The following PDE11A variants were observed in gnomAD, a reference collection of about 807,000 sequenced individuals.
The protein encoded by PDE11A is phosphodiesterase 11A, also known as dual 3',5'-cyclic-AMP and -GMP phosphodiesterase 11A.
PDE11A carries 100 observed loss-of-function variants against 100.5 expected under a neutral mutation model. That is an observed-to-expected ratio of 1.00 (90% confidence interval 0.85 to 1.18). The LOEUF is 1.18. PDE11A is among the 50% of genes most tolerant of loss of function. PDE11A has a pLI of 0.00. For missense variants in PDE11A, 1,141 were observed against 1,152.6 expected (o/e 0.99, Z 0.15); for synonymous variants, 381 against 420.8 (o/e 0.91, Z 1.16).
intron 1 of PDE11A, among the ~76,000 whole-genome samples, chr2:178,050,728 G>A (rs189233702): frequency 3.8e-4 from 58 of 152,270 alleles, no homozygotes; most frequent in African/African-American, 1.3e-3. Flanking sequence ...TTCAGTAGCC[G>A]ATTCGATCAA....
chr2:177,807,712 C>A (rs1397619156), intron 9 of PDE11A, among the ~76,000 whole-genome samples: 1 of 152,178 alleles, frequency 6.6e-6, no homozygotes, highest in Non-Finnish European at 1.5e-5. Context: ...AGGCGTGAGC[C>A]ACCAGGCCTG....
intron 2 of PDE11A, among the ~76,000 whole-genome samples, chr2:177,930,570 C>G (rs960763686): frequency 1.1e-4 from 16 of 152,132 alleles, no homozygotes; most frequent in African/African-American, 3.1e-4. Context: ...GTATAGAAAA[C>G]TGAAAAACAG....
intron 5 of PDE11A, among the ~76,000 whole-genome samples, chr2:177,853,816 GTA>G (rs1294461248): frequency 2.1e-4 from 29 of 136,934 alleles, no homozygotes; most frequent in African/African-American, 6.0e-4. Context: ...GTGCATATAT[GTA>G]TATATATGTG....
intron 2 of PDE11A, among the ~76,000 whole-genome samples, chr2:178,081,657 G>T (rs186561296): frequency 6.6e-6 from 1 of 152,308 alleles, no homozygotes; most frequent in Admixed American, 6.5e-5. Context: ...TGACACTGAC[G>T]TTGGAGGGAG....
At chr2:177,838,763 C>T (rs2083443648) in intron 6 of PDE11A, among the ~76,000 whole-genome samples, 1 of 152,208 alleles carries the variant, frequency 6.6e-6, no homozygotes, top group African/African-American at 2.4e-5. Context: ...TAAATGTTGA[C>T]ATCTGTAAAT....
chr2:177,701,222 AC>A lies in PDE11A; in HGVS notation c.2154-12del. The A allele has an allele frequency of 1.4e-6, 2 of 1,380,118 alleles. No individual in the cohort carries two copies. Among genetic ancestry groups the A allele is most frequent in the Non-Finnish European group, 2.1e-6 (2 of 966,698 alleles). 85.5% of individuals were successfully genotyped at this position (1,380,118 alleles called of 1,614,324 possible). The stretch of plus-strand genomic sequence containing the variant: ...AGGGCAGAGCCACTCCTGAAAGAGG[AC>A]AGAGGGTGAGTGAGCAGGGCCTATC... On this transcript the variant is annotated splice_polypyrimidine_tract_variant and intron_variant, in intron 13 of 19. Coordinates refer to ENST00000286063, the MANE Select transcript of PDE11A (RefSeq NM_016953.4).
At chr2:177,910,729 G>T (rs2084868190) in intron 2 of PDE11A, among the ~76,000 whole-genome samples, 1 of 152,126 alleles carries the variant, frequency 6.6e-6, no homozygotes, top group Admixed American at 6.6e-5. Flanking sequence ...AGTCACTTTA[G>T]CCCTGGAAAC....
At chr2:177,925,036 A>G (rs2085107872) in intron 2 of PDE11A, among the ~76,000 whole-genome samples, 1 of 150,652 alleles carries the variant, frequency 6.6e-6, no homozygotes, top group South Asian at 2.1e-4. Context: ...AATTTCATCC[A>G]TGTCCCTACA....
upstream of PDE11A, among the ~76,000 whole-genome samples, chr2:178,076,968 G>A (rs2087215070): frequency 8.1e-6 from 1 of 124,068 alleles, no homozygotes; most frequent in East Asian, 2.4e-4. Flanking sequence ...TCCTCTTTAC[G>A]TGGCTTCTGT....
At chr2:177,655,018 A>G (rs2080361219) in intron 19 of PDE11A, among the ~76,000 whole-genome samples, 1 of 152,240 alleles carries the variant, frequency 6.6e-6, no homozygotes, top group Non-Finnish European at 1.5e-5. Flanking sequence ...TAGCTTCATT[A>G]TTCCAAAGCA....
At chr2:177,663,818 C>T (rs2080524798) in intron 19 of PDE11A, 48 bp downstream of exon 19, 2 of 1,048,640 alleles carry the variant, frequency 1.9e-6, no homozygotes, top group Non-Finnish European at 1.5e-6. Context: ...ACACACTTTT[C>T]CTTTTCTGAT....
upstream of PDE11A, among the ~76,000 whole-genome samples, chr2:178,077,248 TTTTCTTTC>T (rs201324441): frequency 7.6e-6 from 1 of 132,058 alleles, no homozygotes; most frequent in Non-Finnish European, 1.6e-5. Flanking sequence ...ATTTCTTTTC[TTTTCTTTC>T]TTTCTTTTTT....
chr2:177,902,504 CT>C (rs1049205832), intron 3 of PDE11A, among the ~76,000 whole-genome samples: 2 of 152,220 alleles, frequency 1.3e-5, no homozygotes, highest in African/African-American at 4.8e-5. Context: ...ATAGGCCCTG[CT>C]TCTTGATGTC....
chr2:177,817,027 T>C, intron 8 of PDE11A, 106 bp from the exon 9 acceptor site: 1 of 748,356 alleles, frequency 1.3e-6, no homozygotes, highest in Non-Finnish European at 2.5e-6. Flanking sequence ...ACAATCTTGT[T>C]GTACACAGAG....
At chr2:177,850,559 T>C (rs2083683276) in intron 5 of PDE11A, among the ~76,000 whole-genome samples, 1 of 152,086 alleles carries the variant, frequency 6.6e-6, no homozygotes, top group South Asian at 2.1e-4. Flanking sequence ...CTAAAGAGCT[T>C]CTGCACAGCA....
At chr2:178,074,674 C>G (rs150567169), upstream of PDE11A, among the ~76,000 whole-genome samples, 9 of 152,170 alleles carry the variant, frequency 5.9e-5, no homozygotes, top group African/African-American at 1.7e-4. Context: ...AAGACAAAAG[C>G]TGTGCTTTTG....
intron 2 of PDE11A, among the ~76,000 whole-genome samples, chr2:177,931,124 C>A (rs572109004): frequency 2.0e-5 from 3 of 152,274 alleles, no homozygotes; most frequent in Admixed American, 2.0e-4. Context: ...CCATTGCACT[C>A]CAGCCTGGAC....
intron 9 of PDE11A, among the ~76,000 whole-genome samples, chr2:177,792,257 G>C (rs1010245160): frequency 6.6e-6 from 1 of 152,112 alleles, no homozygotes; most frequent in Non-Finnish European, 1.5e-5. Flanking sequence ...GAACAGAGAA[G>C]AACATAGCAT....
At chr2:177,826,814 G>A (rs532592527) in intron 6 of PDE11A, among the ~76,000 whole-genome samples, 7 of 152,164 alleles carry the variant, frequency 4.6e-5, no homozygotes, top group South Asian at 4.2e-4. Flanking sequence ...TAATTCTTAC[G>A]TTCACTGTCC....
Sources: gnomAD v4.1 joint callset for allele counts (sites outside exome capture counted in the v4.1 genomes callset) on GRCh38, gnomAD v4.1.1 for gene constraint, MANE v1.5 for transcripts, NCBI Gene and HGNC (gene_info 2026-07-23, HGNC 2026-07-21) for gene names.